The following PKP4 variants were observed in gnomAD, a reference collection of about 807,000 sequenced individuals.
PKP4 encodes the protein plakophilin 4, also known as plakophilin-4.
Under a neutral mutation model 145.1 loss-of-function variants are expected in PKP4, and 90 were observed. The ratio of observed to expected loss-of-function variants is 0.62; its 90% CI spans 0.52 to 0.74. The LOEUF (loss-of-function observed/expected upper bound fraction) is 0.74. PKP4 is among the 30% of genes least tolerant of loss of function. The pLI is 0.00. For missense variants in PKP4, 1,340 were observed against 1,482.7 expected (o/e 0.90, Z 1.58); for synonymous variants, 563 against 577.2 (o/e 0.98, Z 0.35).
At position 158,663,352 on chromosome 2, in the gene PKP4, A is replaced by G. The variant is rs1395333756; in HGVS notation, c.2484A>G (p.Lys828=). The G allele has an allele frequency of 5.5e-5, 88 of 1,613,904 alleles. No homozygotes were observed. The highest frequency in any genetic ancestry group is 7.1e-5 in the Non-Finnish European group (84 of 1,179,984). The change falls in exon 15 of 22, where the codon AAA becomes AAG. Residue 828 remains lysine (K), a synonymous_variant. Coordinates refer to ENST00000389759, the MANE Select transcript of PKP4 (RefSeq NM_003628.6). ...VEMLWHPSVV[K]PYLTLLAESS... is the part of the protein sequence containing the mutation. ...TGCTGTGGCACCCATCGGTGGTAAAACCATATCTGACTCTTCTAGCAGAAA... is the reference window on the plus strand; with the variant it reads ...TGCTGTGGCACCCATCGGTGGTAAAGCCATATCTGACTCTTCTAGCAGAAA...
intron 1 of PKP4, among the ~76,000 whole-genome samples, chr2:158,528,134 T>C (rs1049484078): frequency 7.5e-6 from 1 of 133,556 alleles, no homozygotes; most frequent in Non-Finnish European, 1.6e-5. Context: ...ATCCCATTAC[T>C]GGGTATATAC....
chr2:158,630,530 G>A (rs1002691366), intron 7 of PKP4, among the ~76,000 whole-genome samples: 3 of 152,260 alleles, frequency 2.0e-5, no homozygotes, highest in Non-Finnish European at 4.4e-5. Flanking sequence ...AAAACTTATA[G>A]CACAAAACTT....
intron 4 of PKP4, among the ~76,000 whole-genome samples, chr2:158,606,765 C>G (rs1192365331): frequency 6.6e-6 from 1 of 151,926 alleles, no homozygotes; most frequent in Non-Finnish European, 1.5e-5. Flanking sequence ...TAATTTATTT[C>G]TGAAATAAAT....
chr2:158,640,799 G>C lies in PKP4; in HGVS notation c.1695+40G>C, dbSNP rs904571803. 1.9e-6 allele frequency: 3 copies of C among 1,610,174 alleles called. No homozygotes were observed. In the African/African-American group the frequency reaches 4.0e-5, roughly 22 times the overall value. ...GCCTGGGATGACTGGGGAAAATAAT[G>C]CCTTTGCATTTAACAGCCACGTGCT... On this transcript the variant is annotated intron_variant, in intron 10 of 21. Coordinates refer to ENST00000389759, the MANE Select transcript of PKP4 (RefSeq NM_003628.6).
chr2:158,503,885 A>G (rs998109067), intron 1 of PKP4, among the ~76,000 whole-genome samples: 3 of 147,444 alleles, frequency 2.0e-5, no homozygotes, highest in African/African-American at 7.5e-5. Context: ...AGAGTTTCTG[A>G]TTCAGTAGGT....
At chr2:158,596,883 C>T (rs955143896) in intron 3 of PKP4, among the ~76,000 whole-genome samples, 3 of 152,122 alleles carry the variant, frequency 2.0e-5, no homozygotes, top group East Asian at 1.9e-4. Flanking sequence ...TAGACTATGG[C>T]GTATAGTTCA....
chr2:158,512,894 T>C (rs892990008), intron 1 of PKP4, among the ~76,000 whole-genome samples: 15 of 152,238 alleles, frequency 9.9e-5, no homozygotes, highest in African/African-American at 3.4e-4. Context: ...CCAAGTACAC[T>C]TCTCCTTTCT....
intron 2 of PKP4, among the ~76,000 whole-genome samples, chr2:158,560,545 A>G (rs1466348695): frequency 6.6e-6 from 1 of 152,224 alleles, no homozygotes; most frequent in Admixed American, 6.5e-5. Flanking sequence ...AGAGCTTAGT[A>G]AAAATGGAAT....
chr2:158,552,966 G>C (rs1376876628), intron 2 of PKP4, among the ~76,000 whole-genome samples: 1 of 152,170 alleles, frequency 6.6e-6, no homozygotes, highest in African/African-American at 2.4e-5. Flanking sequence ...GCCACAGAGA[G>C]TAATGAAGCG....
At chr2:158,482,793 G>A (rs1265880308) in intron 1 of PKP4, among the ~76,000 whole-genome samples, 1 of 151,240 alleles carries the variant, frequency 6.6e-6, no homozygotes, top group Non-Finnish European at 1.5e-5. Context: ...TCATGATCAT[G>A]CCACTTCTCT....
intron 1 of PKP4, among the ~76,000 whole-genome samples, chr2:158,495,562 G>GC (rs1695575997): frequency 6.6e-6 from 1 of 151,966 alleles, no homozygotes; most frequent in African/African-American, 2.4e-5. Flanking sequence ...GTGTCCGGGT[G>GC]CCGTGGCTCC....
intron 1 of PKP4, among the ~76,000 whole-genome samples, chr2:158,491,996 A>G (rs920573387): frequency 6.6e-6 from 1 of 152,050 alleles, no homozygotes; most frequent in Non-Finnish European, 1.5e-5. Context: ...TTTTGTAGAG[A>G]TGATGTCTCG....
intron 20 of PKP4, chr2:158,677,114 G>A: frequency 2.1e-6 from 1 of 479,622 alleles, no homozygotes; most frequent in South Asian, 2.0e-5. Flanking sequence ...ATAAAAAGAG[G>A]GCTGTATCCA....
intron 20 of PKP4, among the ~76,000 whole-genome samples, chr2:158,678,323 A>G (rs1304748965): frequency 6.6e-6 from 1 of 152,186 alleles, no homozygotes; most frequent in African/African-American, 2.4e-5. Flanking sequence ...TGGGCTCTGC[A>G]CTGGCATTGC....
intron 17 of PKP4, 71 bp downstream of exon 17, chr2:158,669,986 G>C: frequency 8.4e-7 from 1 of 1,185,640 alleles, no homozygotes; most frequent in Non-Finnish European, 1.2e-6. Context: ...GGCCTTTGTT[G>C]AGGATACCTT....
At chr2:158,603,430 T>A (rs935972579) in intron 4 of PKP4, among the ~76,000 whole-genome samples, 1 of 152,204 alleles carries the variant, frequency 6.6e-6, no homozygotes. Context: ...CTGCTAATTA[T>A]ACAAGTTGGG....
intron 3 of PKP4, among the ~76,000 whole-genome samples, chr2:158,596,270 G>T (rs536482291): frequency 6.6e-6 from 1 of 152,182 alleles, no homozygotes; most frequent in Non-Finnish European, 1.5e-5. Context: ...GAGAAATGCA[G>T]TTTGGAACTT....
At chr2:158,603,003 C>T in intron 3 of PKP4, 67 bp from the exon 4 acceptor site, 2 of 881,960 alleles carry the variant, frequency 2.3e-6, no homozygotes, top group Middle Eastern at 3.3e-4. Context: ...ATATGCAAAA[C>T]AGGTCCTAAG....
intron 1 of PKP4, among the ~76,000 whole-genome samples, chr2:158,468,499 AATATT>A (rs1691008761): frequency 6.6e-6 from 1 of 152,146 alleles, no homozygotes; most frequent in African/African-American, 2.4e-5. Flanking sequence ...TTTCTATAAC[AATATT>A]ATATTTTAAA....
Sources: gnomAD v4.1 joint callset for allele counts (sites outside exome capture counted in the v4.1 genomes callset) on GRCh38, gnomAD v4.1.1 for gene constraint, MANE v1.5 for transcripts, NCBI Gene and HGNC (gene_info 2026-07-23, HGNC 2026-07-21) for gene names.